The following NUBPL variants were observed in gnomAD, a reference collection of about 807,000 sequenced individuals.
NUBPL encodes NUBP iron-sulfur cluster assembly factor, mitochondrial, also known as iron-sulfur cluster transfer protein NUBPL.
Under a neutral mutation model 45.7 loss-of-function variants are expected in NUBPL, and 31 were observed. That is an observed-to-expected ratio of 0.68 (90% CI 0.51 to 0.92). The LOEUF (loss-of-function observed/expected upper bound fraction) is 0.92. NUBPL is among the 40% of genes least tolerant of loss of function. The probability of loss-of-function intolerance (pLI) is 0.00; values close to 1 mark genes in which losing one functional copy is unlikely to be tolerated. For synonymous variants in NUBPL, 144 were observed against 140.9 expected (o/e 1.02, Z -0.15); for missense variants, 401 against 398.7 (o/e 1.01, Z -0.05).
At chr14:31,582,786 ATAG>A (rs2033898439) in intron 3 of NUBPL, among the ~76,000 whole-genome samples, 2 of 152,182 alleles carry the variant, frequency 1.3e-5, no homozygotes, top group Non-Finnish European at 1.5e-5. Context: ...AAGTAGCCTG[ATAG>A]TAGAAATTGT....
chr14:31,823,420 A>G (rs1484126004), intron 7 of NUBPL, among the ~76,000 whole-genome samples: 1 of 152,146 alleles, frequency 6.6e-6, no homozygotes, highest in African/African-American at 2.4e-5. Context: ...AGCTAAGAAT[A>G]CTTTTTAGAG....
rs756055278 is a variant in NUBPL at position 31,561,477 on chromosome 14, T to A, written c.38T>A (p.Val13Glu). Reference sequence around the variant, plus strand: ...CAGCGTCTGCTGCTTTTTGGTGGGGTGTCGCTCCGGGCTGGTGGCGGGGCC... The same window carrying A: ...CAGCGTCTGCTGCTTTTTGGTGGGGAGTCGCTCCGGGCTGGTGGCGGGGCC... ...IWQRLLLFGG[V>E]SLRAGGGATA... The change falls in exon 1 of 11, where the codon GTG becomes GAG. Residue 13 changes from valine to glutamate, a missense_variant. Val to Glu is a moderately radical substitution (Grantham distance 121). Coordinates refer to ENST00000281081, the MANE Select transcript of NUBPL (RefSeq NM_025152.3). 7.1e-7 allele frequency: 1 copy of A among 1,412,720 alleles called. No individual in the cohort carries two copies. Among genetic ancestry groups the A allele is most frequent in the Admixed American group, 2.6e-5 (1 of 38,520 alleles). 87.5% of individuals were successfully genotyped at this position (1,412,720 alleles called of 1,614,324 possible).
intron 4 of NUBPL, among the ~76,000 whole-genome samples, chr14:31,664,936 A>G (rs908532302): frequency 6.6e-6 from 1 of 151,072 alleles, no homozygotes; most frequent in Admixed American, 6.6e-5. Context: ...CTATTCAGGT[A>G]TTAGTTTAGT....
At chr14:31,633,158 T>G (rs1352111225) in intron 4 of NUBPL, among the ~76,000 whole-genome samples, 1 of 152,182 alleles carries the variant, frequency 6.6e-6, no homozygotes, top group Non-Finnish European at 1.5e-5. Context: ...CCACTCAGTT[T>G]GTGGAAATTC....
At chr14:31,654,907 T>C (rs1039278656) in intron 4 of NUBPL, among the ~76,000 whole-genome samples, 1 of 152,262 alleles carries the variant, frequency 6.6e-6, no homozygotes, top group Admixed American at 6.5e-5. Context: ...CTAAACTTTT[T>C]GTTGTCATTT....
chr14:31,784,857 C>T (rs184037242), intron 6 of NUBPL, among the ~76,000 whole-genome samples: 78 of 152,144 alleles, frequency 5.1e-4, no homozygotes, highest in African/African-American at 1.7e-3. Context: ...GAAGAAAACA[C>T]GATGTCAGGG....
intron 6 of NUBPL, among the ~76,000 whole-genome samples, chr14:31,690,157 A>G (rs1223187313): frequency 3.9e-5 from 6 of 152,026 alleles, no homozygotes; most frequent in Admixed American, 3.9e-4. Flanking sequence ...GATTTAAGAC[A>G]GGAAGGGCTA....
chr14:31,798,109 T>A (rs2039499881), intron 7 of NUBPL, among the ~76,000 whole-genome samples: 1 of 149,440 alleles, frequency 6.7e-6, no homozygotes, highest in African/African-American at 2.6e-5. Context: ...GATCCGCTGT[T>A]AGTCTGATGT....
At chr14:31,660,815 C>T (rs2036250508) in intron 4 of NUBPL, among the ~76,000 whole-genome samples, 1 of 152,132 alleles carries the variant, frequency 6.6e-6, no homozygotes, top group Non-Finnish European at 1.5e-5. Context: ...GTTTCTAAGG[C>T]TTATTGCTAA....
At chr14:31,782,409 T>TCAAA (rs1213053382) in intron 6 of NUBPL, among the ~76,000 whole-genome samples, 1 of 147,862 alleles carries the variant, frequency 6.8e-6, no homozygotes, top group African/African-American at 2.5e-5. Context: ...AAACAAACAA[T>TCAAA]CAAACAAGAA....
At chr14:31,604,908 C>G (rs2034543621) in intron 4 of NUBPL, among the ~76,000 whole-genome samples, 1 of 152,256 alleles carries the variant, frequency 6.6e-6, no homozygotes, top group East Asian at 1.9e-4. Context: ...TCTATGTTAT[C>G]ATGCAAAATT....
chr14:31,842,421 G>A (rs184297897), intron 8 of NUBPL, among the ~76,000 whole-genome samples: 4 of 152,260 alleles, frequency 2.6e-5, no homozygotes, highest in Admixed American at 6.5e-5. Context: ...ATAGAGCCAA[G>A]CTTAGTTATC....
At chr14:31,798,128 C>G (rs2138852487) in intron 7 of NUBPL, among the ~76,000 whole-genome samples, 1 of 152,178 alleles carries the variant, frequency 6.6e-6, no homozygotes, top group East Asian at 1.9e-4. Context: ...GTTGTGCCCC[C>G]TTATCTTTCT....
In NUBPL at chr14:31,575,550, ATTAG is replaced by A. The variant is rs1180263926; in HGVS notation, c.291+10506_291+10509del. 7.2e-5 allele frequency among the ~76,000 whole-genome samples: 11 copies of A among 152,326 alleles called. No individual in the cohort carries two copies. In the East Asian group the frequency reaches 2.1e-3, roughly 29 times the overall value. On this transcript the variant is annotated intron_variant, in intron 3 of 10. Coordinates refer to ENST00000281081, the MANE Select transcript of NUBPL (RefSeq NM_025152.3). ...GCTCCGTGTTATTATAATCTGGAATATTAGTTATGTGAATTTGGAGTAAATATGG... is the reference window on the plus strand; with the variant it reads ...GCTCCGTGTTATTATAATCTGGAATATTATGTGAATTTGGAGTAAATATGG...
chr14:31,679,926 A>G (rs2036790567), intron 6 of NUBPL, among the ~76,000 whole-genome samples: 1 of 152,086 alleles, frequency 6.6e-6, no homozygotes, highest in Non-Finnish European at 1.5e-5. Context: ...GTAATGTTTT[A>G]TAGTTTTTAG....
At chr14:31,851,265 A>G (rs2139006076) in intron 10 of NUBPL, among the ~76,000 whole-genome samples, 1 of 149,408 alleles carries the variant, frequency 6.7e-6, no homozygotes, top group African/African-American at 2.5e-5. Flanking sequence ...TCCTTAACTA[A>G]TGGGTATAGC....
At chr14:31,858,458 T>C (rs986158570) in intron 10 of NUBPL, among the ~76,000 whole-genome samples, 1 of 152,248 alleles carries the variant, frequency 6.6e-6, no homozygotes, top group African/African-American at 2.4e-5. Flanking sequence ...TTAAAGGAAC[T>C]CTTAAAATGC....
intron 6 of NUBPL, among the ~76,000 whole-genome samples, chr14:31,740,939 C>T (rs113081217): frequency 1.3e-5 from 2 of 152,166 alleles, no homozygotes; most frequent in East Asian, 1.9e-4. Flanking sequence ...TCTATTGAAG[C>T]GTTTTTCTTC....
intron 3 of NUBPL, among the ~76,000 whole-genome samples, chr14:31,589,369 A>G (rs765686965): frequency 1.3e-5 from 2 of 152,130 alleles, no homozygotes; most frequent in Non-Finnish European, 2.9e-5. Context: ...AAGTTATCTA[A>G]ATCCTCAAGT....
Sources: gnomAD v4.1 joint callset for allele counts (sites outside exome capture counted in the v4.1 genomes callset) on GRCh38, gnomAD v4.1.1 for gene constraint, MANE v1.5 for transcripts, NCBI Gene and HGNC (gene_info 2026-07-23, HGNC 2026-07-21) for gene names.